Variants in SLC8A3 observed in about 807,000 individuals in gnomAD.
SLC8A3 encodes sodium/calcium exchanger 3.
Under a neutral mutation model 65.4 loss-of-function variants are expected in SLC8A3, and 37 were observed. The observed-to-expected ratio is 0.57, with a 90% confidence interval of 0.44 to 0.74. The LOEUF (loss-of-function observed/expected upper bound fraction) is 0.74. Among genes scored for constraint, SLC8A3 ranks in the 30% least tolerant of loss-of-function variants. The probability of loss-of-function intolerance (pLI) is 0.00; values close to 1 mark genes in which losing one functional copy is unlikely to be tolerated. For synonymous variants in SLC8A3, 461 were observed against 444.5 expected, an observed-to-expected ratio of 1.04 and a Z score of -0.47; for missense variants, 1,112 against 1,172.1, an observed-to-expected ratio of 0.95 and a Z score of 0.75.
chr14:70,141,100 G>A (rs1170063283), intron 2 of SLC8A3, among the ~76,000 whole-genome samples: 1 of 152,224 alleles, frequency 6.6e-6, no homozygotes, highest in Non-Finnish European at 1.5e-5. Context: ...GATTTATCGA[G>A]TACTTACTCT....
chr14:70,085,061 G>A (rs986136808), intron 2 of SLC8A3, among the ~76,000 whole-genome samples: 1 of 152,152 alleles, frequency 6.6e-6, no homozygotes, highest in Non-Finnish European at 1.5e-5. Flanking sequence ...GCATTAGGGG[G>A]TAAAGAAGTT....
At chr14:70,084,764 A>G (rs534401642) in intron 2 of SLC8A3, among the ~76,000 whole-genome samples, 1 of 152,274 alleles carries the variant, frequency 6.6e-6, no homozygotes, top group Admixed American at 6.5e-5. Context: ...AAATTAAGAA[A>G]CTGTCTCAGC....
intron 5 of SLC8A3, among the ~76,000 whole-genome samples, chr14:70,049,568 C>T (rs1334621722): frequency 1.3e-5 from 2 of 151,528 alleles, no homozygotes; most frequent in Non-Finnish European, 2.9e-5. Flanking sequence ...CGCCATGGCA[C>T]GTGTATACCT....
intron 2 of SLC8A3, 57 bp downstream of exon 2, chr14:70,166,582 G>C: frequency 9.8e-7 from 1 of 1,016,676 alleles, no homozygotes; most frequent in South Asian, 1.5e-5. Flanking sequence ...CAGAAAGACA[G>C]AAAGAGATGG....
rs936143482 is a variant in SLC8A3, at chr14:70,046,025, T to C, written c.2688A>G (p.Thr896=). Residue 896 remains threonine (T), a synonymous_variant, in exon 7 of 7, where the codon ACA becomes ACG. Transcript: ENST00000356921. This position sits in a 1 kb window ranked among gnomAD's most constrained non-coding sequence, Gnocchi z 4.2. ...GGAGCCACAGGCTCACAAAGAGCCA[T>C]GTTGTGGCGAGCTTGCAGCCACGGG... The part of the protein sequence containing the change: ...GGPRGCKLAT[T]WLFVSLWLLY... 6.2e-6 allele frequency: 10 copies of C among 1,613,764 alleles called. No homozygotes were observed. The highest frequency in any genetic ancestry group is 1.1e-5 in the South Asian group (1 of 91,006).
intron 2 of SLC8A3, among the ~76,000 whole-genome samples, chr14:70,159,995 T>A (rs76710468): frequency 0.034 from 5,163 of 152,108 alleles, 303 homozygotes; most frequent in African/African-American, 0.12. Flanking sequence ...ACCAACCAAC[T>A]GTGGGTGCCA....
chr14:70,094,595 CAG>C (rs1475491300), intron 2 of SLC8A3, among the ~76,000 whole-genome samples: 1 of 152,220 alleles, frequency 6.6e-6, no homozygotes, highest in African/African-American at 2.4e-5. Context: ...AGCAACAAGA[CAG>C]AACACAGCAT....
At chr14:70,143,254 C>A (rs549661000) in intron 2 of SLC8A3, among the ~76,000 whole-genome samples, 1 of 152,318 alleles carries the variant, frequency 6.6e-6, no homozygotes, top group East Asian at 1.9e-4. Flanking sequence ...TGAGAGTATT[C>A]CGTGTAAACC....
intron 2 of SLC8A3, among the ~76,000 whole-genome samples, chr14:70,085,819 T>C (rs1285366786): frequency 1.3e-5 from 2 of 152,190 alleles, no homozygotes; most frequent in Non-Finnish European, 2.9e-5. Context: ...GGCACTACTA[T>C]GTGTGCTTTA....
At chr14:70,144,695 A>G (rs1447505234) in intron 2 of SLC8A3, among the ~76,000 whole-genome samples, 2 of 152,136 alleles carry the variant, frequency 1.3e-5, no homozygotes, top group Admixed American at 6.5e-5. Flanking sequence ...TCCAAAAAGA[A>G]GTCTCTTGGA....
chr14:70,045,710 T>C lies in SLC8A3; in HGVS notation c.*237A>G, dbSNP rs530677535. 2 of 399,660 alleles carry C rather than the reference T, an allele frequency of 5.0e-6. No homozygotes were observed. The highest frequency in any genetic ancestry group is 1.7e-4 in the South Asian group (2 of 11,696). The allele number at this position is 399,660 out of a possible 1,614,324, so 24.8% of individuals were successfully genotyped here. On this transcript the variant is annotated 3_prime_UTR_variant, in exon 7 of 7. Transcript: ENST00000356921. ...GGGGTGGAGGTGGATTTGTTGCTGT[T>C]GCTTGTTTGTATTCAATTAAATACT...
At chr14:70,175,068 A>G (rs1301211187) in intron 1 of SLC8A3, among the ~76,000 whole-genome samples, 1 of 152,158 alleles carries the variant, frequency 6.6e-6, no homozygotes, top group African/African-American at 2.4e-5. Flanking sequence ...TGACAGTTTC[A>G]TGAAACCCTG....
At chr14:70,159,846 A>G (rs560508073) in intron 2 of SLC8A3, among the ~76,000 whole-genome samples, 3 of 152,262 alleles carry the variant, frequency 2.0e-5, no homozygotes, top group African/African-American at 7.2e-5. Context: ...GTGGCCATTC[A>G]TGTGATCATC....
intron 2 of SLC8A3, among the ~76,000 whole-genome samples, chr14:70,084,967 A>G (rs1015923871): frequency 6.6e-6 from 1 of 152,224 alleles, no homozygotes; most frequent in Non-Finnish European, 1.5e-5. Context: ...TAGGGGAAGG[A>G]TGGAAAAAGG....
chr14:70,065,243 T>C (rs969306371), intron 2 of SLC8A3, among the ~76,000 whole-genome samples: 3 of 152,166 alleles, frequency 2.0e-5, no homozygotes, highest in Non-Finnish European at 4.4e-5. Flanking sequence ...CCATTAGAGC[T>C]TTGGATGTCT....
chr14:70,116,484 C>T (rs1893675663), intron 2 of SLC8A3, among the ~76,000 whole-genome samples: 1 of 152,158 alleles, frequency 6.6e-6, no homozygotes, highest in South Asian at 2.1e-4. Context: ...TGGCTAACAG[C>T]CATGTTGTGT....
chr14:70,082,473 A>G (rs1566766345), intron 2 of SLC8A3, among the ~76,000 whole-genome samples: 1 of 152,196 alleles, frequency 6.6e-6, no homozygotes, highest in Non-Finnish European at 1.5e-5. Flanking sequence ...AATAACAACA[A>G]CAACAATGAA....
intron 2 of SLC8A3, among the ~76,000 whole-genome samples, chr14:70,148,661 T>A (rs553960804): frequency 1.3e-5 from 2 of 152,210 alleles, no homozygotes; most frequent in African/African-American, 2.4e-5. Flanking sequence ...GGGTCCCTCA[T>A]GTTGAATGAA....
At chr14:70,069,824 A>C (rs909545571) in intron 2 of SLC8A3, among the ~76,000 whole-genome samples, 1 of 152,174 alleles carries the variant, frequency 6.6e-6, no homozygotes, top group African/African-American at 2.4e-5. Flanking sequence ...GTGCTTCTCA[A>C]ACTTTAATGT....
Sources: gnomAD v4.1 joint callset for allele counts (sites outside exome capture counted in the v4.1 genomes callset) on GRCh38, gnomAD v4.1.1 for gene constraint, Gnocchi (gnomAD v3.1) non-coding constraint, MANE v1.5 for transcripts, NCBI Gene and HGNC (gene_info 2026-07-23, HGNC 2026-07-21) for gene names.